The following PCDHGB1 variants were observed in gnomAD, a reference collection of about 807,000 sequenced individuals.
PCDHGB1 encodes protocadherin gamma-B1.
A neutral mutation model predicts 56.6 loss-of-function variants in PCDHGB1; 34 were observed. The ratio of observed to expected loss-of-function variants is 0.60; its 90% confidence interval spans 0.46 to 0.80. PCDHGB1 has a LOEUF of 0.80. Ranked by LOEUF, PCDHGB1 falls within the 30% of genes least tolerant of loss-of-function variation. The pLI is 0.00. For synonymous variants in PCDHGB1, 561 were observed against 505.9 expected (o/e 1.11, Z -1.46); for missense variants, 1,278 against 1,204.6 (o/e 1.06, Z -0.90).
At chr5:141,426,767 A>G (rs1219028777) in intron 1 of PCDHGB1, 1 of 456,548 alleles carries the variant, frequency 2.2e-6, no homozygotes, top group Admixed American at 2.3e-5. Flanking sequence ...ATGCAGATGT[A>G]GGGCCTCACT....
chr5:141,485,070 G>T lies in PCDHGB1; in HGVS notation c.2410-9737G>T. ...CGCCGGCCGAACCGCGCCAGAGCTG[G>T]CGCGGGGAAAGGGAGATAGGTGTCT... On this transcript the variant is annotated intron_variant, in intron 1 of 3. Coordinates refer to ENST00000523390, the MANE Select transcript of PCDHGB1 (RefSeq NM_018922.3). This position sits in a 1 kb window ranked among gnomAD's most constrained non-coding sequence, Gnocchi z 5.7. 1.1e-6 allele frequency: 1 copy of T among 908,406 alleles called. No individual in the cohort carries two copies. Among genetic ancestry groups the T allele is most frequent in the East Asian group, 2.4e-5 (1 of 41,326 alleles). 56.3% of individuals were successfully genotyped at this position (908,406 alleles called of 1,614,324 possible).
At chr5:141,383,621 T>A in intron 1 of PCDHGB1, 1 of 1,613,880 alleles carries the variant, frequency 6.2e-7, no homozygotes, top group East Asian at 2.2e-5. Flanking sequence ...CACACGCCTG[T>A]CTTCTCTCTG....
intron 2 of PCDHGB1, 107 bp from the exon 3 acceptor site, chr5:141,505,286 A>T: frequency 3.2e-6 from 5 of 1,551,278 alleles, no homozygotes; most frequent in Non-Finnish European, 4.4e-6. Flanking sequence ...GGTCTTGGGC[A>T]TGGGGTAGGG....
intron 1 of PCDHGB1, chr5:141,424,561 T>C (rs972361161): frequency 7.9e-5 from 12 of 152,236 alleles, no homozygotes; most frequent in African/African-American, 2.9e-4. Flanking sequence ...TCAGTGCTTC[T>C]CAAAAACCTA....
At chr5:141,464,430 T>C (rs1213919443) in intron 1 of PCDHGB1, among the ~76,000 whole-genome samples, 1 of 151,680 alleles carries the variant, frequency 6.6e-6, no homozygotes, top group Non-Finnish European at 1.5e-5. Flanking sequence ...TATATAGATA[T>C]ATATGTTTGT....
chr5:141,368,584 T>C (rs988612608), intron 1 of PCDHGB1, among the ~76,000 whole-genome samples: 1 of 152,088 alleles, frequency 6.6e-6, no homozygotes, highest in African/African-American at 2.4e-5. Context: ...GGGTAAGGTG[T>C]TTGGGAAAAA....
At position 141,362,530 on chromosome 5, in the gene PCDHGB1, C is replaced by T. The variant is rs769795967; in HGVS notation, c.2409+9861C>T. 70 of 1,613,818 alleles carry T rather than the reference C, an allele frequency of 4.3e-5. 1 individual carries two copies. The highest frequency in any genetic ancestry group is 8.3e-5 in the Admixed American group (5 of 59,998). Reference sequence around the variant, plus strand: ...TACAAATCATGGAGCCGCTGGGGTCCCTTTTGCCTCAGATACTATTTTGAA... The same window carrying T: ...TACAAATCATGGAGCCGCTGGGGTCTCTTTTGCCTCAGATACTATTTTGAA... On this transcript the variant is annotated intron_variant, in intron 1 of 3. Coordinates refer to ENST00000523390, the MANE Select transcript of PCDHGB1 (RefSeq NM_018922.3).
At chr5:141,354,320 C>G (rs1264680907) in intron 1 of PCDHGB1, among the ~76,000 whole-genome samples, 1 of 152,172 alleles carries the variant, frequency 6.6e-6, no homozygotes, top group African/African-American at 2.4e-5. Flanking sequence ...AATTACTACT[C>G]TATGAAAGGT....
At chr5:141,356,517 A>C (rs1588518468) in intron 1 of PCDHGB1, 2 of 1,614,054 alleles carry the variant, frequency 1.2e-6, no homozygotes. Flanking sequence ...CTCATATTTC[A>C]CTGCAAGTGA....
intron 1 of PCDHGB1, chr5:141,393,947 G>T: frequency 6.2e-7 from 1 of 1,613,972 alleles, no homozygotes; most frequent in Non-Finnish European, 8.5e-7. Context: ...ACTCTGGAAA[G>T]AATGGTCAAG....
At chr5:141,403,672 G>A in intron 1 of PCDHGB1, 1 of 1,613,846 alleles carries the variant, frequency 6.2e-7, no homozygotes, top group Non-Finnish European at 8.5e-7. Context: ...ATAATGCCCC[G>A]GTTTTTGCTC....
chr5:141,409,883 C>T lies in PCDHGB1; in HGVS notation c.2409+57214C>T, dbSNP rs530193346. 1.2e-6 allele frequency: 2 copies of T among 1,612,988 alleles called. No individual in the cohort carries two copies. The highest frequency in any genetic ancestry group is 3.3e-5 in the Admixed American group (2 of 59,964). ...GGGAGACCGCAATGACAACGCACCGCGGGTGCTGTACCCAGCTCTGGGTCC... is the reference window on the plus strand; with the variant it reads ...GGGAGACCGCAATGACAACGCACCGTGGGTGCTGTACCCAGCTCTGGGTCC... On this transcript the variant is annotated intron_variant, in intron 1 of 3. Transcript: ENST00000523390.
intron 1 of PCDHGB1, among the ~76,000 whole-genome samples, chr5:141,450,816 T>C (rs960010807): frequency 7.9e-6 from 1 of 126,568 alleles, no homozygotes; most frequent in Non-Finnish European, 1.6e-5. Context: ...ATTTATTTAA[T>C]ATTATTATTA....
chr5:141,446,088 T>C (rs2098487177), intron 1 of PCDHGB1, among the ~76,000 whole-genome samples: 1 of 152,100 alleles, frequency 6.6e-6, no homozygotes, highest in African/African-American at 2.4e-5. Flanking sequence ...TAGAAATAAA[T>C]GGATGAATTA....
chr5:141,421,362 C>T (rs2096566609), intron 1 of PCDHGB1: 1 of 1,613,998 alleles, frequency 6.2e-7, no homozygotes, highest in African/African-American at 1.3e-5. Context: ...AGGGCTCCTT[C>T]GTGGGCAATA....
chr5:141,480,380 A>C (rs1192159457), intron 1 of PCDHGB1, among the ~76,000 whole-genome samples: 3 of 151,970 alleles, frequency 2.0e-5, no homozygotes, highest in African/African-American at 4.8e-5. Context: ...GCACCACTAC[A>C]CTTCAACCAT....
At chr5:141,385,442 G>A (rs949035085) in intron 1 of PCDHGB1, 28 of 1,449,952 alleles carry the variant, frequency 1.9e-5, no homozygotes, top group South Asian at 1.5e-5. Flanking sequence ...AGGTAAAAAT[G>A]AGTTTACCAG....
At chr5:141,418,021 A>G (rs748774040) in intron 1 of PCDHGB1, 11 of 1,613,978 alleles carry the variant, frequency 6.8e-6, no homozygotes, top group African/African-American at 1.3e-5. Context: ...CTAAGGATCT[A>G]GGGCTTAGTG....
rs530963064 is a variant in PCDHGB1, at chr5:141,404,506, C to G, written c.2409+51837C>G. ...ACACTGGTGTGCTGTATGCTCTGTG[C>G]TCCTTTGACTATGAGCAGTTTAGAG... is the stretch of plus-strand genomic sequence containing the variant. On this transcript the variant is annotated intron_variant, in intron 1 of 3. Coordinates refer to ENST00000523390, the MANE Select transcript of PCDHGB1 (RefSeq NM_018922.3). The G allele has an allele frequency of 3.2e-5, 52 of 1,613,814 alleles. No individual in the cohort carries two copies. Among genetic ancestry groups the G allele is most frequent in the Non-Finnish European group, 4.3e-5 (51 of 1,179,838 alleles).
Sources: gnomAD v4.1 joint callset for allele counts (sites outside exome capture counted in the v4.1 genomes callset) on GRCh38, gnomAD v4.1.1 for gene constraint, Gnocchi (gnomAD v3.1) non-coding constraint, MANE v1.5 for transcripts, NCBI Gene and HGNC (gene_info 2026-07-23, HGNC 2026-07-21) for gene names.